Variants in ANKDD1A observed in about 807,000 individuals in gnomAD.
ANKDD1A encodes the protein ankyrin repeat and death domain-containing protein 1A.
ANKDD1A carries 59 observed loss-of-function variants against 63.5 expected under a neutral mutation model. The ratio of observed to expected loss-of-function variants is 0.93; its 90% CI spans 0.75 to 1.15. ANKDD1A has a LOEUF of 1.15. ANKDD1A is among the 50% of genes most tolerant of loss of function. The pLI is 0.00. For missense variants in ANKDD1A, 632 were observed against 656.4 expected (o/e 0.96, Z 0.41); for synonymous variants, 266 against 263.9 (o/e 1.01, Z -0.08).
Position 64,911,947 on chromosome 15 carries a change from C to T in ANKDD1A, c.17C>T (p.Ala6Val), listed in dbSNP as rs1306407172. The stretch of plus-strand genomic sequence containing the variant: ...AGCGGCAGGATGCAGGAGGAGCTGG[C>T]GTGGGAGACCGACGGCCGTGAGTCT... MQEEL[A>V]WETDGLLPLE... Residue 6 changes from alanine to valine, a missense_variant, in exon 1 of 15, where the codon GCG becomes GTG. Coordinates refer to ENST00000319580, the MANE Select transcript of ANKDD1A (RefSeq NM_182703.6). The T allele has an allele frequency of 1.6e-6, 2 of 1,242,452 alleles. No individual in the cohort carries two copies. Among genetic ancestry groups the T allele is most frequent in the African/African-American group, 1.6e-5 (1 of 63,238 alleles). The allele number at this position is 1,242,452 out of a possible 1,614,324, so 77.0% of individuals were successfully genotyped here. A position where few individuals can be genotyped will look rare whatever the true frequency, so the allele number is the denominator to read the frequency against.
intron 14 of ANKDD1A, among the ~76,000 whole-genome samples, chr15:64,952,634 TTTCTTCTTCTCCTTCTCC>T (rs2085315125): frequency 9.0e-6 from 1 of 111,278 alleles, no homozygotes; most frequent in Non-Finnish European, 1.9e-5. Flanking sequence ...TCGTCTTTTC[TTTCTTCTTCTCCTTCTCC>T]TTCTTCTTCC....
intron 9 of ANKDD1A, among the ~76,000 whole-genome samples, chr15:64,936,065 T>C (rs552157939): frequency 6.6e-6 from 1 of 152,324 alleles, no homozygotes; most frequent in South Asian, 2.1e-4. Context: ...ATTATTATTA[T>C]TCCCATTACA....
intron 14 of ANKDD1A, among the ~76,000 whole-genome samples, chr15:64,955,002 CCTT>C (rs763711761): frequency 2.0e-5 from 3 of 146,752 alleles, no homozygotes; most frequent in East Asian, 2.0e-4. Context: ...CTTCCTCTTT[CCTT>C]CTTCTTCCAC....
At chr15:64,932,016 C>T (rs1438836323) in intron 8 of ANKDD1A, 3 of 205,662 alleles carry the variant, frequency 1.5e-5, no homozygotes, top group African/African-American at 2.3e-5. Flanking sequence ...GACTCAGCCT[C>T]CCAAGAGGCT....
chr15:64,944,586 T>C (rs2085209032), intron 11 of ANKDD1A, 66 bp from the exon 12 acceptor site: 1 of 1,467,736 alleles, frequency 6.8e-7, no homozygotes, highest in African/African-American at 1.4e-5. Flanking sequence ...TTGTCCTCAG[T>C]GCTAGAAACC....
rs1417883119 is a variant in ANKDD1A at position 64,951,850 on chromosome 15, C to A, written c.1483+1878C>A. 5.9e-5 allele frequency among the ~76,000 whole-genome samples: 3 copies of A among 50,890 alleles called. No individual in the cohort carries two copies. The East Asian group carries it at 9.9e-3, about 169-fold the overall frequency. The allele number at this position is 50,890 out of a possible 152,430, so 33.4% of individuals were successfully genotyped here. ...TTCATCCTTCTTATTCTTTCTTCTT[C>A]TTTCTTCTTCCTCTTCTTTTTCTTT... On this transcript the variant is annotated intron_variant, in intron 14 of 14. Transcript: ENST00000319580.
chr15:64,928,062 G>A (rs548872114), intron 6 of ANKDD1A, among the ~76,000 whole-genome samples: 14 of 152,200 alleles, frequency 9.2e-5, no homozygotes, highest in Non-Finnish European at 1.8e-4. Flanking sequence ...GAACTGGAAG[G>A]CATCTGAATT....
In ANKDD1A at chr15:64,951,448, CTTTCT is replaced by C. The variant is rs1465642364; in HGVS notation, c.1483+1487_1483+1491del. 7.7e-3 allele frequency: 407 copies of C among 52,702 alleles called. 6 individuals are homozygous for C. Among genetic ancestry groups the C allele is most frequent in the African/African-American group, 0.024 (375 of 15,334 alleles). 3.3% of individuals were successfully genotyped at this position (52,702 alleles called of 1,614,324 possible). On this transcript the variant is annotated intron_variant, in intron 14 of 14. Transcript: ENST00000319580. ...TTTTCTTCTTTTTCTTTCTTCTTCC[CTTTCT>C]TTTCTTTTCTCTTTTTTCTTTTCTT...
At chr15:64,943,872 C>T (rs769441079) in intron 11 of ANKDD1A, 1 of 426,840 alleles carries the variant, frequency 2.3e-6, no homozygotes, top group Non-Finnish European at 4.3e-6. Flanking sequence ...CCTGAGTCAC[C>T]TGGTAGGGTT....
At chr15:64,948,590 C>A (rs778311738) in intron 13 of ANKDD1A, among the ~76,000 whole-genome samples, 6 of 152,060 alleles carry the variant, frequency 3.9e-5, no homozygotes, top group Admixed American at 3.9e-4. Flanking sequence ...TTTGGGAGGC[C>A]AAGGTGGGCA....
chr15:64,912,063 G>C, intron 1 of ANKDD1A, 99 bp downstream of exon 1: 1 of 1,152,526 alleles, frequency 8.7e-7, no homozygotes, highest in Non-Finnish European at 1.1e-6. Context: ...CCCTCCGAAC[G>C]GCCACCTCCG....
rs752416548 is a variant in ANKDD1A, at chr15:64,947,404, G to A, written c.1162G>A (p.Asp388Asn). Residue 388 changes from aspartate to asparagine, a missense_variant and splice_region_variant, in exon 13 of 15, where the codon GAC becomes AAC. By Grantham distance (23) the Asp-to-Asn change is conservative. Transcript: ENST00000319580. ...KADRFYRWEK[D>N]HPSDPSGKSL... ...TGCACTTTTGGGATCTGCCCCACAG[G>A]ACCACCCCAGTGATCCCTCTGGGAA... 15 of 1,611,154 alleles carry A rather than the reference G, an allele frequency of 9.3e-6. No homozygotes were observed. The South Asian group carries it at 1.6e-4, about 18-fold the overall frequency.
chr15:64,940,103 C>A (rs2085168835), intron 9 of ANKDD1A, among the ~76,000 whole-genome samples: 1 of 149,036 alleles, frequency 6.7e-6, no homozygotes, highest in South Asian at 2.1e-4. Flanking sequence ...CTTATAAAGG[C>A]TAGTGTCTAG....
At chr15:64,953,273 CTTCTTTCCTTCTTCCTT>C (rs2085336088) in intron 14 of ANKDD1A, among the ~76,000 whole-genome samples, 1 of 147,032 alleles carries the variant, frequency 6.8e-6, no homozygotes, top group Admixed American at 6.8e-5. Context: ...AGTTCTTCCT[CTTCTTTCCTTCTTCCTT>C]CTTTCTTCTT....
At chr15:64,940,814 C>G (rs1408207904) in intron 9 of ANKDD1A, among the ~76,000 whole-genome samples, 1 of 152,026 alleles carries the variant, frequency 6.6e-6, no homozygotes, top group South Asian at 2.1e-4. Context: ...TCATGGCTCA[C>G]TGCAGCCTCG....
intron 4 of ANKDD1A, among the ~76,000 whole-genome samples, chr15:64,924,092 C>T (rs1330640348): frequency 1.3e-5 from 2 of 152,244 alleles, no homozygotes; most frequent in Admixed American, 6.5e-5. Flanking sequence ...GGCTCACCTA[C>T]AAGGCTGCAG....
intron 4 of ANKDD1A, among the ~76,000 whole-genome samples, chr15:64,922,846 G>A (rs1300296494): frequency 6.6e-6 from 1 of 152,076 alleles, no homozygotes; most frequent in Admixed American, 6.6e-5. Flanking sequence ...GGTAATATTA[G>A]TACTTGTGAC....
intron 13 of ANKDD1A, 30 bp from the exon 14 acceptor site, chr15:64,949,811 C>CCT (rs748745365): frequency 7.5e-6 from 12 of 1,594,334 alleles, no homozygotes; most frequent in Non-Finnish European, 8.5e-6. Context: ...GCTCCTTCTC[C>CCT]CTCTCTCTCT....
At chr15:64,927,639 C>G (rs1469261122) in intron 6 of ANKDD1A, among the ~76,000 whole-genome samples, 5 of 142,384 alleles carry the variant, frequency 3.5e-5, no homozygotes, top group Non-Finnish European at 7.5e-5. Flanking sequence ...GAGTCTCGCT[C>G]TGTCGTCCAG....
Sources: allele counts gnomAD v4.1 joint callset (sites outside exome capture counted in the v4.1 genomes callset), GRCh38; gene constraint gnomAD v4.1.1; transcripts MANE v1.5; gene names NCBI Gene and HGNC (gene_info 2026-07-23, HGNC 2026-07-21).